The following PTK2 variants were observed in gnomAD, a reference collection of about 807,000 sequenced individuals.
The protein encoded by PTK2 is focal adhesion kinase 1.
Under a neutral mutation model 150.1 loss-of-function variants are expected in PTK2, and 45 were observed. That is an observed-to-expected ratio of 0.30 (90% CI 0.24 to 0.38). The LOEUF is 0.38. Among genes scored for constraint, PTK2 ranks in the 10% least tolerant of loss-of-function variants. PTK2 has a pLI of 1.00. For missense variants in PTK2, 919 were observed against 1,307.3 expected (o/e 0.70, Z 4.58); for synonymous variants, 432 against 449.2 (o/e 0.96, Z 0.48).
chr8:140,823,372 T>C (rs2100109973), intron 8 of PTK2, among the ~76,000 whole-genome samples: 1 of 152,242 alleles, frequency 6.6e-6, no homozygotes, highest in East Asian at 1.9e-4. Context: ...TATTATAATA[T>C]ACTGACACCT....
intron 17 of PTK2, among the ~76,000 whole-genome samples, chr8:140,748,052 T>C (rs751267420): frequency 1.3e-5 from 2 of 152,098 alleles, no homozygotes; most frequent in Non-Finnish European, 2.9e-5. Flanking sequence ...GTGGAGACTA[T>C]GGTAACTGGG....
chr8:140,818,234 C>T lies in PTK2; in HGVS notation c.867+43G>A, dbSNP rs2100105892. On this transcript the variant is annotated intron_variant, in intron 10 of 31. Coordinates refer to ENST00000522684, the Ensembl canonical transcript of PTK2. ...GCCCCATTTCCTTAATTTGATTCTTCTTTGTGTAACGCCAAGTTCCCGAAA... is the reference window on the plus strand; with the variant it reads ...GCCCCATTTCCTTAATTTGATTCTTTTTTGTGTAACGCCAAGTTCCCGAAA... The T allele has an allele frequency of 4.0e-6, 6 of 1,517,736 alleles. No individual in the cohort carries two copies. In the East Asian group the frequency reaches 1.1e-4, roughly 29 times the overall value. 94.0% of individuals were successfully genotyped at this position (1,517,736 alleles called of 1,614,324 possible).
intron 1 of PTK2, among the ~76,000 whole-genome samples, chr8:140,989,340 G>C (rs960198310): frequency 3.3e-5 from 5 of 151,436 alleles, no homozygotes; most frequent in Admixed American, 6.6e-5. Flanking sequence ...GCTGCAGCGA[G>C]CTATGACTGC....
chr8:140,870,076 C>G (rs2100141662), intron 4 of PTK2, among the ~76,000 whole-genome samples: 1 of 151,838 alleles, frequency 6.6e-6, no homozygotes, highest in Non-Finnish European at 1.5e-5. Flanking sequence ...TTTATAATAA[C>G]AGAACATACC....
intron 27 of PTK2, among the ~76,000 whole-genome samples, chr8:140,686,410 A>T (rs945643881): frequency 1.7e-5 from 1 of 58,926 alleles, no homozygotes; most frequent in Non-Finnish European, 5.7e-5. Context: ...ATAAAAGTTA[A>T]AAAAAAAAGC....
chr8:140,997,305 T>C (rs560989768), intron 1 of PTK2, among the ~76,000 whole-genome samples: 9 of 152,360 alleles, frequency 5.9e-5, no homozygotes, highest in East Asian at 1.9e-4. Flanking sequence ...GCTGTGAACA[T>C]TGTTGAAATG....
chr8:140,778,513 G>T (rs1171952827), intron 14 of PTK2, among the ~76,000 whole-genome samples: 1 of 152,242 alleles, frequency 6.6e-6, no homozygotes, highest in Non-Finnish European at 1.5e-5. Context: ...AAGGCAGGCA[G>T]CACTTATGGC....
intron 1 of PTK2, among the ~76,000 whole-genome samples, chr8:140,966,345 T>C (rs1475396201): frequency 1.3e-5 from 2 of 152,204 alleles, no homozygotes; most frequent in African/African-American, 4.8e-5. Context: ...GCTTTTTGCT[T>C]TATGTTTTAT....
At chr8:140,799,029 T>A (rs912826630) in intron 12 of PTK2, among the ~76,000 whole-genome samples, 16 of 152,212 alleles carry the variant, frequency 1.1e-4, no homozygotes, top group Non-Finnish European at 1.6e-4. Context: ...ATTGGTGTGA[T>A]CACCGTGGGA....
chr8:140,890,168 G>A (rs73714777), intron 3 of PTK2: 5,038 of 190,646 alleles, frequency 0.026, 279 homozygotes, highest in African/African-American at 0.11. Flanking sequence ...CTGAAGTCAT[G>A]CAAATACCTT....
intron 14 of PTK2, among the ~76,000 whole-genome samples, chr8:140,779,509 C>T (rs995116124): frequency 2.0e-5 from 3 of 152,138 alleles, no homozygotes; most frequent in Admixed American, 6.5e-5. Flanking sequence ...CCATGGTTCT[C>T]AGACACCATC....
intron 13 of PTK2, among the ~76,000 whole-genome samples, chr8:140,792,129 T>C (rs1031321717): frequency 6.6e-6 from 1 of 152,216 alleles, no homozygotes; most frequent in African/African-American, 2.4e-5. Context: ...GTCCCTTGCC[T>C]GCTATCTGGG....
At chr8:140,776,769 C>A (rs902540957) in intron 14 of PTK2, among the ~76,000 whole-genome samples, 2 of 152,096 alleles carry the variant, frequency 1.3e-5, no homozygotes, top group African/African-American at 4.8e-5. Flanking sequence ...AGAAAGAAGT[C>A]TGAAAAACTA....
intron 1 of PTK2, among the ~76,000 whole-genome samples, chr8:140,937,322 G>GT (rs1245552430): frequency 6.6e-6 from 1 of 152,004 alleles, no homozygotes; most frequent in Non-Finnish European, 1.5e-5. Flanking sequence ...TTCAGCTGTG[G>GT]TTTTAAGTAT....
At position 140,739,008 on chromosome 8, in the gene PTK2, G is replaced by A. The variant is rs1448580187; in HGVS notation, c.1825+10C>T. On this transcript the variant is annotated intron_variant, in intron 21 of 31. Coordinates refer to ENST00000522684, the Ensembl canonical transcript of PTK2. ...TTTTTAAAGAATACAAAACTTTTAA[G>A]AGTACTCACCAAACATCCATACGTC... The A allele has an allele frequency of 6.7e-7, 1 of 1,494,674 alleles. No homozygotes were observed. Among genetic ancestry groups the A allele is most frequent in the East Asian group, 2.4e-5 (1 of 42,206 alleles). 92.6% of individuals were successfully genotyped at this position (1,494,674 alleles called of 1,614,324 possible). A position where few individuals can be genotyped will look rare whatever the true frequency, so the allele number is the denominator to read the frequency against.
At chr8:140,688,955 T>C (rs1266911907) in intron 26 of PTK2, among the ~76,000 whole-genome samples, 1 of 152,220 alleles carries the variant, frequency 6.6e-6, no homozygotes, top group Non-Finnish European at 1.5e-5. Context: ...CTGTGTTTTT[T>C]ACCAGAGAGG....
At chr8:140,916,292 CTT>C (rs2100165252) in intron 2 of PTK2, among the ~76,000 whole-genome samples, 1 of 152,206 alleles carries the variant, frequency 6.6e-6, no homozygotes, top group African/African-American at 2.4e-5. Flanking sequence ...GTGGGCCTCA[CTT>C]TTAACCCATG....
At chr8:140,790,631 G>A (rs1045654793) in intron 13 of PTK2, among the ~76,000 whole-genome samples, 5 of 152,110 alleles carry the variant, frequency 3.3e-5, no homozygotes, top group African/African-American at 1.2e-4. Flanking sequence ...CTTGTACATC[G>A]TTTCGAAGCA....
At chr8:140,834,363 T>C (rs2100117402) in intron 7 of PTK2, among the ~76,000 whole-genome samples, 1 of 152,186 alleles carries the variant, frequency 6.6e-6, no homozygotes, top group Non-Finnish European at 1.5e-5. Flanking sequence ...AGCTCTACCA[T>C]GACAATGCAG....
Sources: allele counts gnomAD v4.1 joint callset (sites outside exome capture counted in the v4.1 genomes callset), GRCh38; gene constraint gnomAD v4.1.1; transcripts MANE v1.5; gene names NCBI Gene and HGNC (gene_info 2026-07-23, HGNC 2026-07-21).